TIAM1: variants seen among roughly 807,000 people sequenced by gnomAD.
TIAM1 encodes the protein rho guanine nucleotide exchange factor TIAM1.
In TIAM1, 65 loss-of-function variants were observed where a neutral mutation model predicts 163.5. The ratio of observed to expected loss-of-function variants is 0.40; its 90% CI spans 0.33 to 0.49. The LOEUF (loss-of-function observed/expected upper bound fraction) is 0.49, where lower values mean the gene tolerates loss of function less well. Among genes scored for constraint, TIAM1 ranks in the 20% least tolerant of loss-of-function variants. The pLI is 0.77. For missense variants in TIAM1, 1,789 were observed against 2,044.7 expected, an observed-to-expected ratio of 0.87 and a Z score of 2.41; for synonymous variants, 833 against 810.1, an observed-to-expected ratio of 1.03 and a Z score of -0.48.
Position 31,395,107 on chromosome 21 carries a change from G to T in TIAM1, c.-368-55685C>A, listed in dbSNP as rs1259981747. ...ACAAACATTAGCCAGGCATGGTGGC[G>T]CGTGCCTGTAGTCCCAGCTACTTGG... is the stretch of plus-strand genomic sequence containing the variant. On this transcript the variant is annotated intron_variant, in intron 2 of 28. Coordinates refer to the TIAM1 transcript ENST00000286827. The surrounding 1 kb of genome is among the most constrained non-coding windows in gnomAD (Gnocchi z 7.5). 6.6e-6 allele frequency among the ~76,000 whole-genome samples: 1 copy of T among 152,104 alleles called. No homozygotes were observed. Among genetic ancestry groups the T allele is most frequent in the South Asian group, 2.1e-4 (1 of 4,808 alleles).
intron 2 of TIAM1, among the ~76,000 whole-genome samples, chr21:31,410,699 T>C (rs1214539620): frequency 6.6e-6 from 1 of 150,414 alleles, no homozygotes; most frequent in Admixed American, 6.6e-5. Context: ...TGTGTGTGAG[T>C]GTGTATGTGA....
intron 2 of TIAM1, among the ~76,000 whole-genome samples, chr21:31,351,627 C>T (rs1445819535): frequency 1.3e-5 from 2 of 152,214 alleles, no homozygotes; most frequent in African/African-American, 2.4e-5. Context: ...CAGCAGCCAG[C>T]GTCCTCCCAA....
intron 6 of TIAM1, among the ~76,000 whole-genome samples, chr21:31,230,312 G>A (rs766460070): frequency 6.6e-6 from 1 of 151,828 alleles, no homozygotes; most frequent in Admixed American, 6.6e-5. Flanking sequence ...GGACTCAGAT[G>A]ACCATTTTTC....
In TIAM1 at chr21:31,217,663, G is replaced by A. The variant is rs1192824496; in HGVS notation, c.2032C>T (p.Arg678Cys). 1.9e-6 allele frequency: 3 copies of A among 1,613,800 alleles called. No homozygotes were observed. The highest frequency in any genetic ancestry group is 2.5e-6 in the Non-Finnish European group (3 of 1,179,870). ...GCGGATCTGGACATGGCCTGAGTAC[G>A]TCTTCTCACTCCAGTTTCACCAGTG... ...ARTGETGVRR[R>C]TQAMSRSASK... is the part of the protein sequence containing the mutation. The change falls in exon 9 of 28, where the codon CGT becomes TGT. Residue 678 changes from arginine (R) to cysteine (C), a missense_variant. Transcript: ENST00000541036.
chr21:31,319,216 A>T (rs1387357823), intron 2 of TIAM1, among the ~76,000 whole-genome samples: 1 of 146,050 alleles, frequency 6.8e-6, no homozygotes, highest in Non-Finnish European at 1.5e-5. Context: ...AGCCTTGAGA[A>T]GGGTGAACTG....
At chr21:31,370,964 T>C (rs1202246591) in intron 2 of TIAM1, among the ~76,000 whole-genome samples, 1 of 152,140 alleles carries the variant, frequency 6.6e-6, no homozygotes, top group Non-Finnish European at 1.5e-5. Flanking sequence ...CTGTGGCCAT[T>C]TGAGTTTGGC....
chr21:31,252,219 A>G (rs2071852501), intron 4 of TIAM1, 30 bp from the exon 5 acceptor site: 1 of 1,585,016 alleles, frequency 6.3e-7, no homozygotes, highest in African/African-American at 1.3e-5. Flanking sequence ...AGCAAAGAAG[A>G]CAAGCGTCAC....
At chr21:31,503,174 C>T (rs980777662) in intron 1 of TIAM1, among the ~76,000 whole-genome samples, 14 of 151,804 alleles carry the variant, frequency 9.2e-5, no homozygotes, top group African/African-American at 1.9e-4. Context: ...GCGGGTGGGT[C>T]GTTTGAGATC....
chr21:31,513,189 A>G (rs80222517), intron 1 of TIAM1, among the ~76,000 whole-genome samples: 2,158 of 152,320 alleles, frequency 0.014, 31 homozygotes, highest in Non-Finnish European at 0.024. Context: ...ATATACACGT[A>G]CCATGTTCCA....
intron 2 of TIAM1, among the ~76,000 whole-genome samples, chr21:31,351,375 T>C (rs1482487292): frequency 1.3e-5 from 2 of 152,184 alleles, no homozygotes; most frequent in African/African-American, 4.8e-5. Flanking sequence ...AAAAAATATG[T>C]CCATAAAATG....
intron 1 of TIAM1, among the ~76,000 whole-genome samples, chr21:31,550,910 ATCAAT>A (rs1280669485): frequency 6.6e-6 from 1 of 152,214 alleles, no homozygotes; most frequent in Admixed American, 6.5e-5. Flanking sequence ...CTGAAGAATA[ATCAAT>A]TCAAGAACCA....
chr21:31,433,024 T>C (rs2066419831), intron 2 of TIAM1, among the ~76,000 whole-genome samples: 2 of 152,204 alleles, frequency 1.3e-5, no homozygotes, highest in Middle Eastern at 3.2e-3. Context: ...AATTTAAATG[T>C]ATGTGGGTAT....
rs773177454 is a variant in TIAM1, at chr21:31,245,593, G to A, written c.1479C>T (p.His493=). The change falls in exon 6 of 28, where the codon CAC becomes CAT. Residue 493 remains histidine (H), a synonymous_variant. Transcript: ENST00000541036. ...SGIDHNSIPK[H]AVWVENSIVQ... ...CAATGCTGTTCTCCACCCAGACGGC[G>A]TGTTTGGGGATGCTGTTGTGGTCTA... 9.9e-6 allele frequency: 16 copies of A among 1,608,322 alleles called. No individual in the cohort carries two copies. The highest frequency in any genetic ancestry group is 6.7e-5 in the East Asian group (3 of 44,492).
intron 20 of TIAM1, among the ~76,000 whole-genome samples, chr21:31,144,793 C>T (rs1174110086): frequency 4.5e-5 from 6 of 134,450 alleles, no homozygotes; most frequent in Admixed American, 8.1e-5. Context: ...CACACCACTG[C>T]GCTCCAGCCT....
chr21:31,183,950 A>G (rs1215839739), intron 14 of TIAM1, among the ~76,000 whole-genome samples: 1 of 149,234 alleles, frequency 6.7e-6, no homozygotes, highest in Non-Finnish European at 1.5e-5. Context: ...TAAAATTTTT[A>G]TTTATTTATT....
At chr21:31,421,572 G>A (rs1363167517) in intron 2 of TIAM1, among the ~76,000 whole-genome samples, 2 of 152,174 alleles carry the variant, frequency 1.3e-5, no homozygotes, top group Non-Finnish European at 2.9e-5. Context: ...TATGAGAATC[G>A]AATGCCGATG....
chr21:31,439,153 A>AG (rs371615973), intron 2 of TIAM1, among the ~76,000 whole-genome samples: 138 of 152,332 alleles, frequency 9.1e-4, no homozygotes, highest in African/African-American at 2.9e-3. Flanking sequence ...ACCTCACCAG[A>AG]GGCAGCTGAA....
At position 31,217,670 on chromosome 21, in the gene TIAM1, C is replaced by G; in HGVS notation, c.2025G>C (p.Val675=). The G allele has an allele frequency of 6.2e-7, 1 of 1,613,842 alleles. No individual in the cohort carries two copies. Among genetic ancestry groups the G allele is most frequent in the Non-Finnish European group, 8.5e-7 (1 of 1,179,872 alleles). Residue 675 remains valine (V), a synonymous_variant, in exon 9 of 28, where the codon GTG becomes GTC. Coordinates refer to ENST00000541036, the MANE Select transcript of TIAM1 (RefSeq NM_001353694.2). ...LVAARTGETG[V]RRRTQAMSRS... is the part of the protein sequence containing the mutation. ...TGGACATGGCCTGAGTACGTCTTCTCACTCCAGTTTCACCAGTGCGTGCTG... is the reference window on the plus strand; with the variant it reads ...TGGACATGGCCTGAGTACGTCTTCTGACTCCAGTTTCACCAGTGCGTGCTG...
At chr21:31,532,868 T>C (rs946839435) in intron 1 of TIAM1, among the ~76,000 whole-genome samples, 1 of 152,126 alleles carries the variant, frequency 6.6e-6, no homozygotes, top group African/African-American at 2.4e-5. Context: ...GATCCTTGTG[T>C]CCTGTAGGTC....
Sources: gnomAD v4.1 joint callset for allele counts (sites outside exome capture counted in the v4.1 genomes callset) on GRCh38, gnomAD v4.1.1 for gene constraint, Gnocchi (gnomAD v3.1) non-coding constraint, MANE v1.5 for transcripts, NCBI Gene and HGNC (gene_info 2026-07-23, HGNC 2026-07-21) for gene names.